COL12A1: variants seen among roughly 807,000 people sequenced by gnomAD.
COL12A1 encodes the protein collagen alpha-1(XII) chain.
Under a neutral mutation model 349.7 loss-of-function variants are expected in COL12A1, and 114 were observed. That is an observed-to-expected ratio of 0.33 (90% CI 0.28 to 0.38). The LOEUF (loss-of-function observed/expected upper bound fraction) is 0.38, where lower values mean the gene tolerates loss of function less well. COL12A1 is among the 10% of genes least tolerant of loss of function. The probability of loss-of-function intolerance (pLI) is 1.00; values close to 1 mark genes in which losing one functional copy is unlikely to be tolerated. For missense variants in COL12A1, 3,284 were observed against 3,756.9 expected (o/e 0.87, Z 3.29); for synonymous variants, 1,369 against 1,329.0 (o/e 1.03, Z -0.66).
chr6:75,152,944 A>G (rs569876830), intron 17 of COL12A1, among the ~76,000 whole-genome samples: 20 of 152,306 alleles, frequency 1.3e-4, no homozygotes, highest in African/African-American at 4.6e-4. Context: ...GCAGACAAGA[A>G]TGAGATGGAC....
At chr6:75,176,244 G>A (rs548098160) in intron 12 of COL12A1, among the ~76,000 whole-genome samples, 3 of 152,188 alleles carry the variant, frequency 2.0e-5, no homozygotes, top group African/African-American at 7.2e-5. Context: ...TGGGAGGGAG[G>A]GCAATGGGCA....
intron 52 of COL12A1, among the ~76,000 whole-genome samples, chr6:75,107,274 T>C (rs551200751): frequency 4.9e-4 from 74 of 152,146 alleles, no homozygotes; most frequent in African/African-American, 1.7e-3. Flanking sequence ...ATTTGTTTTT[T>C]GTTTTTGTTT....
At chr6:75,110,354 T>C (rs572631872) in intron 51 of COL12A1, among the ~76,000 whole-genome samples, 1 of 152,210 alleles carries the variant, frequency 6.6e-6, no homozygotes, top group South Asian at 2.1e-4. Flanking sequence ...CACTTGTCAT[T>C]GAATGCTAAC....
chr6:75,145,974 T>C, intron 24 of COL12A1, 128 bp downstream of exon 24: 4 of 1,074,008 alleles, frequency 3.7e-6, no homozygotes, highest in Non-Finnish European at 5.1e-6. Context: ...ACCACAAACC[T>C]ACTTTTCTAT....
Position 75,189,380 on chromosome 6 carries a change from C to T in COL12A1, c.660G>A (p.Gly220=). 2 of 1,611,442 alleles carry T rather than the reference C, an allele frequency of 1.2e-6. No homozygotes were observed. Among genetic ancestry groups the T allele is most frequent in the Non-Finnish European group, 1.7e-6 (2 of 1,179,034 alleles). ...IPYKGGNTMT[G]DAIDYLVKNT... Reference sequence around the variant, plus strand: ...TTTTAACTAAATAATCAATGGCATCCCCTAAAGGGAAAAGAAACATGTTCA... The same window carrying T: ...TTTTAACTAAATAATCAATGGCATCTCCTAAAGGGAAAAGAAACATGTTCA... Residue 220 remains glycine (G), a splice_region_variant and synonymous_variant, in exon 7 of 66, where the codon GGG becomes GGA. Transcript: ENST00000322507.
Position 75,107,015 on chromosome 6 carries a change from C to T in COL12A1, c.8101-519G>A, listed in dbSNP as rs369349678. Among the ~76,000 whole-genome samples, 35 of 147,978 alleles carry T rather than the reference C, an allele frequency of 2.4e-4. No homozygotes were observed. In the East Asian group the frequency reaches 4.6e-3, roughly 20 times the overall value. ...CTCCCAGGTTCAAATGCTTTTCGTGCCTCAGTCTCCCGAGTAGCTGGGATT... is the reference window on the plus strand; with the variant it reads ...CTCCCAGGTTCAAATGCTTTTCGTGTCTCAGTCTCCCGAGTAGCTGGGATT... On this transcript the variant is annotated intron_variant, in intron 52 of 65. Coordinates refer to ENST00000322507, the MANE Select transcript of COL12A1 (RefSeq NM_004370.6).
intron 8 of COL12A1, among the ~76,000 whole-genome samples, chr6:75,186,373 A>C (rs368750949): frequency 6.6e-6 from 1 of 152,204 alleles, no homozygotes; most frequent in Non-Finnish European, 1.5e-5. Flanking sequence ...AAAAAAGTTC[A>C]ACATTACTGA....
Position 75,113,596 on chromosome 6 carries a change from T to A in COL12A1, c.7840+6A>T, listed in dbSNP as rs1452223422. 1 of 1,599,092 alleles carries A rather than the reference T, an allele frequency of 6.3e-7. No homozygotes were observed. The highest frequency in any genetic ancestry group is 1.7e-5 in the Admixed American group (1 of 59,204). The stretch of plus-strand genomic sequence containing the variant: ...TATGCATGTGCCTTAAGATAAAAAT[T>A]CTTACGATCTGCAATCACTCCAACT... On this transcript the variant is annotated splice_donor_region_variant and intron_variant, in intron 50 of 65. Transcript: ENST00000322507.
At chr6:75,088,458 C>CA (rs3836930) in intron 64 of COL12A1, among the ~76,000 whole-genome samples, 1,319 of 108,742 alleles carry the variant, frequency 0.012, 13 homozygotes, top group African/African-American at 0.036. Context: ...TCTATGAGGC[C>CA]AAAAAAAAAA....
In COL12A1 at chr6:75,128,290, A is replaced by G; in HGVS notation, c.6340+6T>C. On this transcript the variant is annotated splice_donor_region_variant and intron_variant, in intron 38 of 65. Coordinates refer to ENST00000322507, the MANE Select transcript of COL12A1 (RefSeq NM_004370.6). ...AAAAATAAAAGGGGGAGTACAAAAC[A>G]CTTACCAGTTCTTCCATTTCCTGTT... is the stretch of plus-strand genomic sequence containing the variant. 1 of 1,597,296 alleles carries G rather than the reference A, an allele frequency of 6.3e-7. No individual in the cohort carries two copies.
rs767271392 is a variant in COL12A1, at chr6:75,089,091, T to C, written c.9010+15A>G. 4.9e-5 allele frequency: 79 copies of C among 1,597,088 alleles called. 1 individual carries two copies. The South Asian group carries it at 8.2e-4, about 17-fold the overall frequency. ...ATTTATAGTCTTTGCCTGTTTAAAA[T>C]ACTAGCAAACCTACCTGGGGGGCCA... On this transcript the variant is annotated intron_variant, in intron 64 of 65. Transcript: ENST00000322507.
At chr6:75,147,844 A>G (rs767947178) in intron 22 of COL12A1, 40 bp from the exon 23 acceptor site, 2 of 1,597,818 alleles carry the variant, frequency 1.3e-6, no homozygotes, top group Non-Finnish European at 1.7e-6. Context: ...CGTATGTATA[A>G]TCAGTTCCCT....
chr6:75,092,832 A>G (rs1396678814), intron 60 of COL12A1, among the ~76,000 whole-genome samples: 2 of 151,084 alleles, frequency 1.3e-5, no homozygotes, highest in Non-Finnish European at 2.9e-5. Context: ...CATGGGCTAC[A>G]TGGTCCATAT....
In COL12A1 at chr6:75,086,623, T is replaced by TC. The variant is rs1767501808; in HGVS notation, c.9182-67dup. The TC allele has an allele frequency of 2.5e-6, 3 of 1,194,580 alleles. No individual in the cohort carries two copies. In the South Asian group the frequency reaches 3.8e-5, roughly 15 times the overall value. The allele number at this position is 1,194,580 out of a possible 1,614,324, so 74.0% of individuals were successfully genotyped here. ...ACTAAGTAAAAAATATAAATACACA[T>TC]CCATCTACGTATGTAATGGTTAAAG... is the stretch of plus-strand genomic sequence containing the variant. On this transcript the variant is annotated intron_variant, in intron 65 of 65. Transcript: ENST00000322507.
At chr6:75,137,002 T>A (rs938753019) in intron 31 of COL12A1, among the ~76,000 whole-genome samples, 1 of 151,906 alleles carries the variant, frequency 6.6e-6, no homozygotes, top group Non-Finnish European at 1.5e-5. Context: ...AGACACCCTA[T>A]GACATGCAAA....
chr6:75,090,135 C>T lies in COL12A1; in HGVS notation c.8916G>A (p.Gly2972=), dbSNP rs2149326803. ...CTCGTTCCCCAGGGGGTCCCTGCATCCCTGGTGTGCCCGGGAAGCCTGGCC... is the reference window on the plus strand; with the variant it reads ...CTCGTTCCCCAGGGGGTCCCTGCATTCCTGGTGTGCCCGGGAAGCCTGGCC... The part of the protein sequence containing the change: ...GGRPGFPGTP[G]MQGPPGERGL... Residue 2972 remains glycine (G), a synonymous_variant, in exon 63 of 66, where the codon GGG becomes GGA. Transcript: ENST00000322507. This position sits in a 1 kb window ranked among gnomAD's most constrained non-coding sequence, Gnocchi z 4.1. 1.2e-6 allele frequency: 2 copies of T among 1,613,802 alleles called. No homozygotes were observed. The highest frequency in any genetic ancestry group is 1.7e-6 in the Non-Finnish European group (2 of 1,179,968).
rs190461945 is a variant in COL12A1, at chr6:75,154,006, G to T, written c.3565+410C>A. ...TAGTAAAAACTCTTTAAATAATAGA[G>T]CTTAATTATGCAATAATGCATAATT... On this transcript the variant is annotated intron_variant, in intron 17 of 65. Transcript: ENST00000322507. 2.8e-4 allele frequency among the ~76,000 whole-genome samples: 43 copies of T among 151,882 alleles called. 1 individual carries two copies. Among genetic ancestry groups the T allele is most frequent in the Admixed American group, 2.0e-4 (3 of 15,258 alleles).
At chr6:75,120,803 G>A (rs888617166) in intron 44 of COL12A1, among the ~76,000 whole-genome samples, 1 of 152,162 alleles carries the variant, frequency 6.6e-6, no homozygotes, top group Admixed American at 6.6e-5. Context: ...ATAATTGGTA[G>A]TTATCCTTTT....
At chr6:75,113,532 T>G in intron 50 of COL12A1, 70 bp downstream of exon 50, 1 of 1,464,542 alleles carries the variant, frequency 6.8e-7, no homozygotes, top group Non-Finnish European at 9.1e-7. Context: ...ATTCAGAAAG[T>G]TTTTTAAAAG....
Sources: allele counts gnomAD v4.1 joint callset (sites outside exome capture counted in the v4.1 genomes callset), GRCh38; gene constraint gnomAD v4.1.1; non-coding constraint Gnocchi (gnomAD v3.1); transcripts MANE v1.5; gene names NCBI Gene and HGNC (gene_info 2026-07-23, HGNC 2026-07-21).